Variants in ANKRD33B observed in about 807,000 individuals in gnomAD.
The protein encoded by ANKRD33B is ankyrin repeat domain-containing protein 33B.
In ANKRD33B, 6 loss-of-function variants were observed where a neutral mutation model predicts 21.5. That is an observed-to-expected ratio of 0.28 (90% CI 0.15 to 0.55). ANKRD33B has a LOEUF of 0.55. Ranked by LOEUF, ANKRD33B falls within the 20% of genes least tolerant of loss-of-function variation. The pLI, the probability that ANKRD33B is intolerant of heterozygous loss-of-function variation, is 0.94. For synonymous variants in ANKRD33B, 347 were observed against 342.4 expected (o/e 1.01, Z -0.15); for missense variants, 698 against 747.2 (o/e 0.93, Z 0.77).
chr5:10,649,835 A>G lies in ANKRD33B; in HGVS notation c.1207A>G (p.Lys403Glu). 2.2e-6 allele frequency: 3 copies of G among 1,394,790 alleles called. No individual in the cohort carries two copies. The highest frequency in any genetic ancestry group is 2.8e-6 in the Non-Finnish European group (3 of 1,079,838). 86.4% of individuals were successfully genotyped at this position (1,394,790 alleles called of 1,614,324 possible). The change falls in exon 4 of 4, where the codon AAG (lysine) becomes GAG (glutamate). Residue 403 changes from lysine to glutamate, a missense_variant. By Grantham distance (56) the Lys-to-Glu change is moderately conservative (BLOSUM62 1). Transcript: ENST00000296657. ...SRGPAAPAPR[K>E]ASLLPLQRLR... ...GGGCCCCGCAGCGCCCGCCCCGCGG[A>G]AGGCCAGCCTCCTGCCCCTGCAGCG...
intron 2 of ANKRD33B, among the ~76,000 whole-genome samples, chr5:10,626,801 T>C (rs1352788291): frequency 7.2e-5 from 11 of 152,234 alleles, no homozygotes; most frequent in Non-Finnish European, 1.0e-4. Flanking sequence ...CAGAGTATCG[T>C]TGCCATCTCA....
intron 2 of ANKRD33B, among the ~76,000 whole-genome samples, chr5:10,624,284 C>T (rs547449960): frequency 2.0e-5 from 3 of 152,140 alleles, no homozygotes; most frequent in South Asian, 2.1e-4. Flanking sequence ...CGCCAGTCAC[C>T]GTGCCCAGCT....
rs541059445 is a variant in ANKRD33B, at chr5:10,603,907, T to C, written c.367-14426T>C. ...TTTCAAAAGGAGAACTTTTTTTTTT[T>C]TTTTGAGATGGAGTTTCACTCTTTT... On this transcript the variant is annotated intron_variant, in intron 1 of 3. Transcript: ENST00000296657. Among the ~76,000 whole-genome samples, 74 of 151,986 alleles carry C rather than the reference T, an allele frequency of 4.9e-4. 1 individual carries two copies. The South Asian group carries it at 0.015, about 32-fold the overall frequency.
intron 1 of ANKRD33B, among the ~76,000 whole-genome samples, chr5:10,578,152 G>A (rs1483252825): frequency 6.6e-6 from 1 of 152,234 alleles, no homozygotes; most frequent in Non-Finnish European, 1.5e-5. Flanking sequence ...TACAGACCCT[G>A]TAGATGATCA....
chr5:10,572,186 G>A (rs1050639314), intron 1 of ANKRD33B, among the ~76,000 whole-genome samples: 1 of 152,178 alleles, frequency 6.6e-6, no homozygotes, highest in Admixed American at 6.5e-5. Context: ...ACCACACCCG[G>A]CCAGGGCATC....
At chr5:10,568,716 G>T (rs1735112115) in intron 1 of ANKRD33B, among the ~76,000 whole-genome samples, 1 of 152,202 alleles carries the variant, frequency 6.6e-6, no homozygotes, top group African/African-American at 2.4e-5. Context: ...TGTATTTTTA[G>T]TAGAGACAGG....
chr5:10,583,457 G>A (rs966132839), intron 1 of ANKRD33B, among the ~76,000 whole-genome samples: 2 of 152,236 alleles, frequency 1.3e-5, no homozygotes, highest in Non-Finnish European at 2.9e-5. Flanking sequence ...ATGGCAAGGT[G>A]CTGAGTAGCA....
At chr5:10,602,218 C>T (rs753089706) in intron 1 of ANKRD33B, among the ~76,000 whole-genome samples, 18 of 152,220 alleles carry the variant, frequency 1.2e-4, no homozygotes, top group Non-Finnish European at 2.4e-4. Flanking sequence ...AGGGCGTCAG[C>T]GGAGCATGCT....
chr5:10,619,877 G>A lies in ANKRD33B; in HGVS notation c.496+1415G>A, dbSNP rs533220740. Among the ~76,000 whole-genome samples the A allele has an allele frequency of 6.6e-6, 1 of 152,314 alleles. No homozygotes were observed. Among genetic ancestry groups the A allele is most frequent in the East Asian group, 1.9e-4 (1 of 5,180 alleles). ...GAAGCCCAGCACCATCTGTCTGCCG[G>A]AGCTTGGTGCTGTGGGATGAGAACA... is the stretch of plus-strand genomic sequence containing the variant. On this transcript the variant is annotated intron_variant, in intron 2 of 3. Coordinates refer to ENST00000296657, the MANE Select transcript of ANKRD33B (RefSeq NM_001164440.2). The surrounding 1 kb of genome is among the most constrained non-coding windows in gnomAD (Gnocchi z 4.5).
chr5:10,606,627 G>A (rs1207453123), intron 1 of ANKRD33B, among the ~76,000 whole-genome samples: 7 of 152,058 alleles, frequency 4.6e-5, no homozygotes, highest in Non-Finnish European at 8.8e-5. Context: ...CCAGCTACTC[G>A]GGAGGCTGAG....
intron 1 of ANKRD33B, among the ~76,000 whole-genome samples, chr5:10,581,110 G>C (rs940604468): frequency 1.3e-5 from 2 of 152,174 alleles, no homozygotes; most frequent in African/African-American, 4.8e-5. Context: ...TGGCTTTATT[G>C]GTGGGTGTCA....
At chr5:10,586,978 G>T (rs556897608) in intron 1 of ANKRD33B, among the ~76,000 whole-genome samples, 2 of 152,006 alleles carry the variant, frequency 1.3e-5, no homozygotes, top group Non-Finnish European at 2.9e-5. Context: ...TTGTGGGAGA[G>T]TGTTTCCAAT....
At chr5:10,577,518 C>T (rs1735350520) in intron 1 of ANKRD33B, among the ~76,000 whole-genome samples, 1 of 152,208 alleles carries the variant, frequency 6.6e-6, no homozygotes, top group Non-Finnish European at 1.5e-5. Context: ...CGGTGTCGGG[C>T]TATGCACAGG....
intron 1 of ANKRD33B, among the ~76,000 whole-genome samples, chr5:10,605,848 G>A (rs777814599): frequency 1.3e-5 from 2 of 152,128 alleles, no homozygotes; most frequent in South Asian, 2.1e-4. Flanking sequence ...TCTGTGTTCC[G>A]CTCTTCTAGC....
intron 2 of ANKRD33B, among the ~76,000 whole-genome samples, chr5:10,625,432 A>G (rs1057086768): frequency 6.6e-6 from 1 of 152,158 alleles, no homozygotes; most frequent in Non-Finnish European, 1.5e-5. Flanking sequence ...TTGTATTCAC[A>G]TGACTGGGCT....
chr5:10,611,534 C>G (rs572210095), intron 1 of ANKRD33B, among the ~76,000 whole-genome samples: 2 of 152,258 alleles, frequency 1.3e-5, no homozygotes, highest in African/African-American at 4.8e-5. Context: ...TTTGGAGAAG[C>G]AGTGGGCTGA....
rs1187346822 is a variant in ANKRD33B, at chr5:10,649,688, C to T, written c.1060C>T (p.Pro354Ser). 2 of 1,522,952 alleles carry T rather than the reference C, an allele frequency of 1.3e-6. No individual in the cohort carries two copies. The highest frequency in any genetic ancestry group is 1.8e-6 in the Non-Finnish European group (2 of 1,140,100). The allele number at this position is 1,522,952 out of a possible 1,614,324, so 94.3% of individuals were successfully genotyped here. A position where few individuals can be genotyped will look rare whatever the true frequency, so the allele number is the denominator to read the frequency against. The change falls in exon 4 of 4, where the codon CCC (proline) becomes TCC (serine). Residue 354 changes from proline to serine, a missense_variant. By Grantham distance (74) the Pro-to-Ser change is moderately conservative (BLOSUM62 -1). Coordinates refer to ENST00000296657, the MANE Select transcript of ANKRD33B (RefSeq NM_001164440.2). The part of the protein sequence containing the change: ...EILAARAARG[P>S]QAQEEDEVGG... Reference sequence around the variant, plus strand: ...CCTGGCGGCGCGGGCTGCACGGGGCCCCCAGGCGCAGGAGGAGGATGAGGT... The same window carrying T: ...CCTGGCGGCGCGGGCTGCACGGGGCTCCCAGGCGCAGGAGGAGGATGAGGT...
At chr5:10,601,478 C>G (rs909510080) in intron 1 of ANKRD33B, among the ~76,000 whole-genome samples, 2 of 152,234 alleles carry the variant, frequency 1.3e-5, no homozygotes, top group Admixed American at 1.3e-4. Flanking sequence ...CAACTCCTCC[C>G]AGCCTGGGCA....
chr5:10,590,572 C>A (rs1464011824), intron 1 of ANKRD33B, among the ~76,000 whole-genome samples: 1 of 149,600 alleles, frequency 6.7e-6, no homozygotes, highest in Non-Finnish European at 1.5e-5. Flanking sequence ...TGTAGACTTT[C>A]TTAAAATATT....
Sources: allele counts gnomAD v4.1 joint callset (sites outside exome capture counted in the v4.1 genomes callset), GRCh38; gene constraint gnomAD v4.1.1; non-coding constraint Gnocchi (gnomAD v3.1); transcripts MANE v1.5; gene names NCBI Gene and HGNC (gene_info 2026-07-23, HGNC 2026-07-21).